Variants in C13orf42 observed in about 807,000 individuals in gnomAD.
C13orf42 encodes the protein uncharacterized protein C13orf42.
At chr13:51,103,069 T>C (rs541587621) in intron 1 of C13orf42, among the ~76,000 whole-genome samples, 2 of 152,288 alleles carry the variant, frequency 1.3e-5, no homozygotes, top group South Asian at 4.1e-4. Flanking sequence ...TATCAACAAG[T>C]AACCCCGCCT....
At chr13:51,114,667 C>G (rs59300640), upstream of C13orf42, among the ~76,000 whole-genome samples, 7 of 134,216 alleles carry the variant, frequency 5.2e-5, no homozygotes, top group African/African-American at 2.0e-4. Context: ...GACAGACAGA[C>G]AGACAGACAG....
At chr13:51,161,856 C>T in intron 1 of C13orf42, 1 of 456,840 alleles carries the variant, frequency 2.2e-6, no homozygotes, top group Non-Finnish European at 4.3e-6. Context: ...ACTCTCAGAG[C>T]CCCAAAAACT....
chr13:51,148,454 C>G (rs1171889877), intron 1 of C13orf42, among the ~76,000 whole-genome samples: 1 of 152,204 alleles, frequency 6.6e-6, no homozygotes, highest in Admixed American at 6.5e-5. Flanking sequence ...ATGCAGAGAA[C>G]AATGGTGGTG....
At chr13:51,153,578 T>A (rs1953798416) in intron 1 of C13orf42, among the ~76,000 whole-genome samples, 1 of 151,998 alleles carries the variant, frequency 6.6e-6, no homozygotes, top group South Asian at 2.1e-4. Context: ...CTCAGTTGTG[T>A]TAAATACATT....
At position 51,121,893 on chromosome 13, in the gene C13orf42, C is replaced by T. The variant is rs1409025304; in HGVS notation, n.137-8671G>A. Among the ~76,000 whole-genome samples the T allele has an allele frequency of 4.7e-4, 72 of 152,074 alleles. 1 individual carries two copies. The highest frequency in any genetic ancestry group is 4.7e-3 in the Admixed American group (72 of 15,266). ...TAAATTACACTTGTATAATGGAACACAGCAGTTACTAAAAATGATGTCTTA... is the reference window on the plus strand; with the variant it reads ...TAAATTACACTTGTATAATGGAACATAGCAGTTACTAAAAATGATGTCTTA... On this transcript the variant is annotated intron_variant and non_coding_transcript_variant, in intron 1 of 4. Coordinates refer to the C13orf42 transcript ENST00000433280.
intron 1 of C13orf42, among the ~76,000 whole-genome samples, chr13:51,128,392 G>A (rs150729423): frequency 6.6e-6 from 1 of 152,288 alleles, no homozygotes; most frequent in East Asian, 1.9e-4. Context: ...ACACTGAGGA[G>A]AACCCCAACC....
chr13:51,116,345 G>A (rs764264138), intron 1 of C13orf42, among the ~76,000 whole-genome samples: 2 of 152,186 alleles, frequency 1.3e-5, no homozygotes, highest in Non-Finnish European at 2.9e-5. Context: ...GGGTGAAGGT[G>A]GCAACAGGCA....
At chr13:51,129,594 A>T (rs1237219074) in intron 1 of C13orf42, among the ~76,000 whole-genome samples, 1 of 152,204 alleles carries the variant, frequency 6.6e-6, no homozygotes, top group Non-Finnish European at 1.5e-5. Flanking sequence ...ACCCTGCCAC[A>T]GACAATGCTT....
intron 1 of C13orf42, among the ~76,000 whole-genome samples, chr13:51,129,285 G>A (rs996152249): frequency 6.6e-6 from 1 of 152,058 alleles, no homozygotes; most frequent in East Asian, 1.9e-4. Context: ...TTTGGGTCAG[G>A]GTCTGCAGGC....
upstream of C13orf42, among the ~76,000 whole-genome samples, chr13:51,114,647 GAGAT>G (rs1303016230): frequency 3.2e-5 from 2 of 63,292 alleles, no homozygotes; most frequent in Non-Finnish European, 6.8e-5. Context: ...TAGATAGATA[GAGAT>G]AGACAGACAG....
At chr13:51,148,200 G>C (rs904884720) in intron 1 of C13orf42, among the ~76,000 whole-genome samples, 1 of 152,240 alleles carries the variant, frequency 6.6e-6, no homozygotes, top group Non-Finnish European at 1.5e-5. Context: ...GGGCCAGCCA[G>C]GGAGAGGTCT....
intron 1 of C13orf42, among the ~76,000 whole-genome samples, chr13:51,139,569 T>C (rs1953682158): frequency 1.3e-5 from 2 of 152,056 alleles, no homozygotes; most frequent in South Asian, 4.2e-4. Context: ...TGGCACAAGA[T>C]ACAGGTCACA....
At chr13:51,127,067 T>A (rs865914771) in intron 1 of C13orf42, among the ~76,000 whole-genome samples, 14 of 152,014 alleles carry the variant, frequency 9.2e-5, no homozygotes, top group African/African-American at 3.1e-4. Flanking sequence ...CTCAGGAAGC[T>A]CAGGCAGGAG....
chr13:51,160,446 T>A (rs1593557456), intron 1 of C13orf42, among the ~76,000 whole-genome samples: 1 of 152,032 alleles, frequency 6.6e-6, no homozygotes, highest in African/African-American at 2.4e-5. Context: ...GAGACGGAGG[T>A]TGCAGTGAGC....
chr13:51,133,771 C>G (rs1323031715), intron 1 of C13orf42, among the ~76,000 whole-genome samples: 1 of 152,240 alleles, frequency 6.6e-6, no homozygotes, highest in South Asian at 2.1e-4. Context: ...TCCTGCATCT[C>G]GAACTCTGTG....
At chr13:51,087,234 G>C (rs530682139) in intron 2 of C13orf42, among the ~76,000 whole-genome samples, 1 of 152,272 alleles carries the variant, frequency 6.6e-6, no homozygotes, top group South Asian at 2.1e-4. Flanking sequence ...GCCTTGGTGA[G>C]GAGGGAAGCA....
upstream of C13orf42, among the ~76,000 whole-genome samples, chr13:51,113,629 G>T (rs1953457144): frequency 6.6e-6 from 1 of 151,776 alleles, no homozygotes; most frequent in African/African-American, 2.4e-5. Flanking sequence ...ACAGGGTCTT[G>T]CTATGTTGCC....
chr13:51,111,332 C>T (rs1414466014), upstream of C13orf42: 1 of 397,292 alleles, frequency 2.5e-6, no homozygotes, highest in East Asian at 3.6e-5. Context: ...GGCCTCTGAT[C>T]TCTAGGATCC....
chr13:51,130,071 T>A (rs1953604827), intron 1 of C13orf42, among the ~76,000 whole-genome samples: 1 of 152,228 alleles, frequency 6.6e-6, no homozygotes, highest in African/African-American at 2.4e-5. Context: ...GAGCTTTGAT[T>A]AATTGGTTTA....
Sources: allele counts gnomAD v4.1 joint callset (sites outside exome capture counted in the v4.1 genomes callset), GRCh38; gene constraint gnomAD v4.1.1; transcripts MANE v1.5; gene names NCBI Gene and HGNC (gene_info 2026-07-23, HGNC 2026-07-21).